The following ATG10 variants were observed in gnomAD, a reference collection of about 807,000 sequenced individuals.
ATG10 encodes the protein ubiquitin-like-conjugating enzyme ATG10.
In ATG10, 30 loss-of-function variants were observed where a neutral mutation model predicts 32.1. The observed-to-expected ratio is 0.94, with a 90% CI of 0.70 to 1.27. The LOEUF (loss-of-function observed/expected upper bound fraction) is 1.27, where lower values mean the gene tolerates loss of function less well. Among genes scored for constraint, ATG10 ranks in the 50% most tolerant of loss-of-function variants. ATG10 has a pLI of 0.00. For synonymous variants in ATG10, 87 were observed against 91.5 expected (o/e 0.95, Z 0.28); for missense variants, 233 against 262.3 (o/e 0.89, Z 0.77).
chr5:82,118,774 A>AT (rs1765928864), intron 3 of ATG10, among the ~76,000 whole-genome samples: 1 of 152,138 alleles, frequency 6.6e-6, no homozygotes, highest in South Asian at 2.1e-4. Context: ...AAAGTGAGGC[A>AT]TGATAATGGC....
At chr5:81,982,794 G>GT (rs1761094575) in intron 1 of ATG10, among the ~76,000 whole-genome samples, 3 of 152,178 alleles carry the variant, frequency 2.0e-5, no homozygotes, top group Admixed American at 2.0e-4. Flanking sequence ...TCAAGCATCT[G>GT]TTTAACAAAG....
chr5:82,075,947 CAACAACAACAACAA>C (rs1764260662), intron 3 of ATG10, among the ~76,000 whole-genome samples: 1 of 152,022 alleles, frequency 6.6e-6, no homozygotes, highest in Non-Finnish European at 1.5e-5. Flanking sequence ...ACAATAACAA[CAACAACAACAACAA>C]AACAACAGCA....
chr5:82,046,300 G>T (rs1763234993), intron 2 of ATG10, among the ~76,000 whole-genome samples: 1 of 152,196 alleles, frequency 6.6e-6, no homozygotes, highest in African/African-American at 2.4e-5. Context: ...TTAAGATGAA[G>T]TCATGCTGGA....
At chr5:82,221,946 G>A (rs191181590) in intron 5 of ATG10, among the ~76,000 whole-genome samples, 3 of 152,330 alleles carry the variant, frequency 2.0e-5, no homozygotes, top group Admixed American at 1.3e-4. Flanking sequence ...TAGTGAATAT[G>A]TTAACAGAAA....
rs79032573 is a variant in ATG10, at chr5:82,250,485, A to C, written c.454-2077A>C. 7.2e-3 allele frequency among the ~76,000 whole-genome samples: 1,102 copies of C among 152,220 alleles called. 11 individuals carry two copies. Among genetic ancestry groups the C allele is most frequent in the African/African-American group, 0.025 (1,054 of 41,538 alleles). On this transcript the variant is annotated intron_variant, in intron 5 of 7. Coordinates refer to ENST00000282185, the MANE Select transcript of ATG10 (RefSeq NM_031482.5). ...CCTATTTCATAGATGCCATCTTCTCACTGTATCCCCACATGATAGGAAAAG... is the reference window on the plus strand; with the variant it reads ...CCTATTTCATAGATGCCATCTTCTCCCTGTATCCCCACATGATAGGAAAAG...
At chr5:82,160,387 T>C (rs1023520760) in intron 3 of ATG10, among the ~76,000 whole-genome samples, 1 of 152,208 alleles carries the variant, frequency 6.6e-6, no homozygotes, top group Non-Finnish European at 1.5e-5. Context: ...TAGTATGGTA[T>C]GGATGTACCA....
chr5:82,094,567 C>T (rs1764991755), intron 3 of ATG10, among the ~76,000 whole-genome samples: 1 of 152,032 alleles, frequency 6.6e-6, no homozygotes, highest in Admixed American at 6.6e-5. Context: ...TCTAGAAATA[C>T]ATCCTAAGCA....
chr5:82,102,055 A>G (rs944071676), intron 3 of ATG10, among the ~76,000 whole-genome samples: 35 of 152,324 alleles, frequency 2.3e-4, no homozygotes, highest in African/African-American at 7.9e-4. Flanking sequence ...TTTCTGATAC[A>G]TAAAGTTCTG....
chr5:82,031,395 C>T (rs1762738271), intron 2 of ATG10, among the ~76,000 whole-genome samples: 1 of 152,100 alleles, frequency 6.6e-6, no homozygotes, highest in African/African-American at 2.4e-5. Flanking sequence ...TTATCAAGAC[C>T]TTGGAGCAAC....
intron 5 of ATG10, among the ~76,000 whole-genome samples, chr5:82,251,131 TCACCAC>T (rs1257288469): frequency 6.6e-6 from 1 of 152,174 alleles, no homozygotes; most frequent in East Asian, 1.9e-4. Context: ...AACTCATCCC[TCACCAC>T]CACCACCCCA....
In ATG10 at chr5:82,148,371, G is replaced by GC. The variant is rs552129254; in HGVS notation, c.217-16028_217-16027insC. Among the ~76,000 whole-genome samples, 939 of 152,234 alleles carry GC rather than the reference G, an allele frequency of 6.2e-3. 5 individuals are homozygous for GC. The highest frequency in any genetic ancestry group is 8.9e-3 in the Non-Finnish European group (607 of 68,008). On this transcript the variant is annotated intron_variant, in intron 3 of 7. Transcript: ENST00000282185. ...GAACATCATCTGGAATTGCGTCACT[G>GC]TAGAGCACTTCTGTCTCAGGAGAAG...
At chr5:82,027,699 T>A (rs1184651208) in intron 2 of ATG10, among the ~76,000 whole-genome samples, 2 of 152,234 alleles carry the variant, frequency 1.3e-5, no homozygotes, top group Non-Finnish European at 2.9e-5. Flanking sequence ...ATTGAATAAC[T>A]TTTCATTAAA....
intron 5 of ATG10, among the ~76,000 whole-genome samples, chr5:82,250,456 G>A (rs1348851368): frequency 6.6e-6 from 1 of 152,064 alleles, no homozygotes; most frequent in African/African-American, 2.4e-5. Context: ...GTGAGGACCC[G>A]TTTCCTATTT....
At chr5:82,091,699 A>G (rs1561294487) in intron 3 of ATG10, among the ~76,000 whole-genome samples, 1 of 152,066 alleles carries the variant, frequency 6.6e-6, no homozygotes, top group Non-Finnish European at 1.5e-5. Flanking sequence ...GAATTTAATG[A>G]GATCTATTTT....
intron 2 of ATG10, among the ~76,000 whole-genome samples, chr5:82,008,883 G>T (rs1762053776): frequency 6.6e-6 from 1 of 152,092 alleles, no homozygotes; most frequent in South Asian, 2.1e-4. Context: ...TATATGATTG[G>T]ATGTATATCA....
At chr5:81,995,126 A>G (rs1022506314) in intron 2 of ATG10, among the ~76,000 whole-genome samples, 4 of 149,652 alleles carry the variant, frequency 2.7e-5, no homozygotes, top group African/African-American at 7.3e-5. Context: ...ATGTGTGTGT[A>G]TGTGTGTGTG....
chr5:82,137,278 G>C (rs187937135), intron 3 of ATG10, among the ~76,000 whole-genome samples: 9 of 152,036 alleles, frequency 5.9e-5, no homozygotes, highest in Non-Finnish European at 1.3e-4. Context: ...TGATCCTTGA[G>C]AGGAGAAGAG....
At chr5:81,974,220 A>G (rs1352417377) in intron 1 of ATG10, among the ~76,000 whole-genome samples, 1 of 152,232 alleles carries the variant, frequency 6.6e-6, no homozygotes, top group Non-Finnish European at 1.5e-5. Context: ...AGAAAAAAAA[A>G]GCCATGGAGA....
chr5:82,083,823 A>T (rs1561290181), intron 3 of ATG10, among the ~76,000 whole-genome samples: 1 of 152,334 alleles, frequency 6.6e-6, no homozygotes, highest in East Asian at 1.9e-4. Flanking sequence ...CCCCATCTGT[A>T]TGTCACCATC....
Sources: gnomAD v4.1 joint callset for allele counts (sites outside exome capture counted in the v4.1 genomes callset) on GRCh38, gnomAD v4.1.1 for gene constraint, MANE v1.5 for transcripts, NCBI Gene and HGNC (gene_info 2026-07-23, HGNC 2026-07-21) for gene names.